Variants in CAMK2G observed in about 807,000 individuals in gnomAD.
The protein encoded by CAMK2G is calcium/calmodulin dependent protein kinase II gamma, also known as calcium/calmodulin-dependent protein kinase type II subunit gamma.
A neutral mutation model predicts 88.7 loss-of-function variants in CAMK2G; 23 were observed. The ratio of observed to expected loss-of-function variants is 0.26; its 90% CI spans 0.19 to 0.37. The LOEUF (loss-of-function observed/expected upper bound fraction) is 0.37. CAMK2G is among the 10% of genes least tolerant of loss of function. CAMK2G has a pLI of 1.00. For synonymous variants in CAMK2G, 263 were observed against 294.8 expected (o/e 0.89, Z 1.11); for missense variants, 476 against 780.8 (o/e 0.61, Z 4.65).
intron 14 of CAMK2G, 136 bp downstream of exon 14, chr10:73,837,332 C>A (rs747295681): frequency 1.1e-5 from 9 of 785,152 alleles, no homozygotes; most frequent in Non-Finnish European, 1.9e-5. Context: ...CTGTTCTGAG[C>A]ACAAAGGCAT....
chr10:73,823,957 G>T, intron 17 of CAMK2G, 83 bp downstream of exon 17: 1 of 1,058,570 alleles, frequency 9.4e-7, no homozygotes. Context: ...TGGCCTCAGG[G>T]TGCAGCCTGT....
At chr10:73,849,460 C>T in intron 5 of CAMK2G, 127 bp from the exon 6 acceptor site, 1 of 656,092 alleles carries the variant, frequency 1.5e-6, no homozygotes, top group Non-Finnish European at 2.8e-6. Context: ...CACTTAACGG[C>T]CACTGGAACC....
Position 73,862,302 on chromosome 10 carries a change from C to A in CAMK2G, c.161-1413G>T, listed in dbSNP as rs866419304. ...TGACTTCTCCCTCCTACTCCACCCC[C>A]CCCCCCCCCGATTTCCCAATGCACT... On this transcript the variant is annotated intron_variant, in intron 2 of 22. Transcript: ENST00000423381. 3.7e-3 allele frequency among the ~76,000 whole-genome samples: 500 copies of A among 135,450 alleles called. 6 individuals carry two copies. The highest frequency in any genetic ancestry group is 0.015 in the Middle Eastern group (4 of 268). 88.9% of individuals were successfully genotyped at this position (135,450 alleles called of 152,430 possible).
intron 2 of CAMK2G, 124 bp downstream of exon 2, chr10:73,872,865 G>A (rs2095883601): frequency 5.3e-6 from 4 of 751,824 alleles, no homozygotes; most frequent in Admixed American, 1.9e-5. Context: ...AGTCCAACCA[G>A]TCTGAAATTC....
At chr10:73,833,491 T>A (rs2092780892) in intron 14 of CAMK2G, among the ~76,000 whole-genome samples, 1 of 152,180 alleles carries the variant, frequency 6.6e-6, no homozygotes, top group South Asian at 2.1e-4. Flanking sequence ...CTTGTTTCAA[T>A]TTGCATTTCT....
At chr10:73,845,901 CTTCT>C (rs1223297858) in intron 10 of CAMK2G, among the ~76,000 whole-genome samples, 15 of 150,822 alleles carry the variant, frequency 9.9e-5, no homozygotes, top group Non-Finnish European at 2.2e-4. Flanking sequence ...TTTCAATTCC[CTTCT>C]TTTTTTTTTT....
chr10:73,850,432 A>G (rs1265198154), intron 5 of CAMK2G, among the ~76,000 whole-genome samples: 1 of 150,026 alleles, frequency 6.7e-6, no homozygotes, highest in Non-Finnish European at 1.5e-5. Flanking sequence ...GCCCCCCCCC[A>G]CCGCAGGGGA....
intron 15 of CAMK2G, 80 bp from the exon 16 acceptor site, chr10:73,825,427 C>T (rs1434472879): frequency 9.0e-7 from 1 of 1,116,650 alleles, no homozygotes; most frequent in Non-Finnish European, 1.4e-6. Context: ...CTCCCTTGCC[C>T]CCTGGTCTGG....
chr10:73,815,793 A>G, intron 21 of CAMK2G: 1 of 985,536 alleles, frequency 1.0e-6, no homozygotes, highest in Non-Finnish European at 1.2e-6. Flanking sequence ...GAATCATCAA[A>G]GCACCAAGCT....
In CAMK2G at chr10:73,820,663, A is replaced by AT. The variant is rs1198716305; in HGVS notation, c.1249+1018dup. Among the ~76,000 whole-genome samples the AT allele has an allele frequency of 5.2e-3, 238 of 46,126 alleles. 7 individuals carry two copies. Among genetic ancestry groups the AT allele is most frequent in the East Asian group, 8.7e-3 (6 of 686 alleles). 30.3% of individuals were successfully genotyped at this position (46,126 alleles called of 152,430 possible). A position where few individuals can be genotyped will look rare whatever the true frequency, so the allele number is the denominator to read the frequency against. ...AGGACCCCGCCACCACACCCGGCTA[A>AT]TTTTTTTTTTTTTTTTTTTTTTTTT... On this transcript the variant is annotated intron_variant, in intron 18 of 22. Transcript: ENST00000423381.
chr10:73,817,886 C>T (rs2086255630), intron 19 of CAMK2G: 2 of 343,852 alleles, frequency 5.8e-6, no homozygotes, highest in East Asian at 5.0e-5. Context: ...GCTGTGAGCC[C>T]CTCCCCTGTA....
intron 17 of CAMK2G, among the ~76,000 whole-genome samples, chr10:73,822,464 G>A (rs1484962882): frequency 3.3e-5 from 5 of 152,124 alleles, no homozygotes; most frequent in East Asian, 1.9e-4. Flanking sequence ...CACCACGCCC[G>A]GGCCTCCCTA....
intron 3 of CAMK2G, 65 bp downstream of exon 3, chr10:73,860,765 A>G (rs561647302): frequency 5.2e-6 from 6 of 1,151,006 alleles, no homozygotes; most frequent in South Asian, 4.9e-5. Context: ...ACACAAAAGC[A>G]GTGGATATCT....
At chr10:73,874,358 CGGCAGGGCA>C (rs773054483) in intron 1 of CAMK2G, 30 bp downstream of exon 1, 21 of 1,387,904 alleles carry the variant, frequency 1.5e-5, no homozygotes, top group Admixed American at 6.7e-5. Flanking sequence ...AGCTCCCGGG[CGGCAGGGCA>C]GGCAGGGGAC....
In CAMK2G at chr10:73,816,543, C is replaced by T. The variant is rs998543369; in HGVS notation, c.1534+480G>A. 8.3e-6 allele frequency: 6 copies of T among 718,864 alleles called. No homozygotes were observed. In the Admixed American group the frequency reaches 1.9e-4, roughly 23 times the overall value. 44.5% of individuals were successfully genotyped at this position (718,864 alleles called of 1,614,324 possible). ...TGGCCTGATCTTGGCTCACTGCAAGCTCTGCCTCCCAGGTTCACATCATTC... is the reference window on the plus strand; with the variant it reads ...TGGCCTGATCTTGGCTCACTGCAAGTTCTGCCTCCCAGGTTCACATCATTC... On this transcript the variant is annotated intron_variant, in intron 21 of 22. Transcript: ENST00000423381.
intron 10 of CAMK2G, among the ~76,000 whole-genome samples, chr10:73,846,075 G>T (rs1219855960): frequency 6.6e-6 from 1 of 151,962 alleles, no homozygotes; most frequent in Non-Finnish European, 1.5e-5. Flanking sequence ...ATGCCACCAT[G>T]CCTGGCAATT....
Position 73,813,421 on chromosome 10 carries a change from G to A in CAMK2G, c.*1097C>T, listed in dbSNP as rs1175737096. 6.5e-6 allele frequency: 1 copy of A among 152,708 alleles called. No individual in the cohort carries two copies. The highest frequency in any genetic ancestry group is 1.9e-4 in the East Asian group (1 of 5,198). The allele number at this position is 152,708 out of a possible 1,614,324, so 9.5% of individuals were successfully genotyped here. A position where few individuals can be genotyped will look rare whatever the true frequency, so the allele number is the denominator to read the frequency against. Reference sequence around the variant, plus strand: ...TGCAGCAAGGAAGAATAAGAAGGGAGGCAGCCCCAAAGGCAGCCTGAATGC... The same window carrying A: ...TGCAGCAAGGAAGAATAAGAAGGGAAGCAGCCCCAAAGGCAGCCTGAATGC... On this transcript the variant is annotated 3_prime_UTR_variant, in exon 23 of 23. Transcript: ENST00000423381.
intron 5 of CAMK2G, among the ~76,000 whole-genome samples, chr10:73,849,616 A>C (rs1404409765): frequency 7.2e-5 from 11 of 152,166 alleles, no homozygotes. Flanking sequence ...CAACCAACTC[A>C]TTTCCAAGAG....
intron 21 of CAMK2G, chr10:73,815,754 A>T (rs747034499): frequency 2.1e-6 from 2 of 956,316 alleles, no homozygotes; most frequent in African/African-American, 3.5e-5. Flanking sequence ...TTGATTTGTA[A>T]TTTTTTTTAA....
Sources: gnomAD v4.1 joint callset for allele counts (sites outside exome capture counted in the v4.1 genomes callset) on GRCh38, gnomAD v4.1.1 for gene constraint, MANE v1.5 for transcripts, NCBI Gene and HGNC (gene_info 2026-07-23, HGNC 2026-07-21) for gene names.